SRSF11: variants seen among roughly 807,000 people sequenced by gnomAD.
SRSF11 encodes the protein serine and arginine rich splicing factor 11.
In SRSF11, 9 loss-of-function variants were observed where a neutral mutation model predicts 56.0. That is an observed-to-expected ratio of 0.16 (90% CI 0.10 to 0.28). The LOEUF (loss-of-function observed/expected upper bound fraction) is 0.28. SRSF11 is among the 10% of genes least tolerant of loss of function. The probability of loss-of-function intolerance (pLI) is 1.00; values close to 1 mark genes in which losing one functional copy is unlikely to be tolerated. For missense variants in SRSF11, 421 were observed against 600.7 expected (o/e 0.70, Z 3.13); for synonymous variants, 222 against 215.3 (o/e 1.03, Z -0.27).
At chr1:70,222,067 A>AT (rs565769512) in intron 1 of SRSF11, among the ~76,000 whole-genome samples, 20 of 150,446 alleles carry the variant, frequency 1.3e-4, no homozygotes, top group Non-Finnish European at 2.5e-4. Flanking sequence ...TTCTCGGGAA[A>AT]TTTTTTTTTT....
At chr1:70,230,967 A>T in intron 2 of SRSF11, 1 of 1,225,142 alleles carries the variant, frequency 8.2e-7, no homozygotes, top group South Asian at 1.5e-5. Context: ...GACAGCTCTG[A>T]CACAAGCAAG....
chr1:70,217,454 G>C (rs917458970), upstream of SRSF11, among the ~76,000 whole-genome samples: 2 of 152,122 alleles, frequency 1.3e-5, no homozygotes, highest in African/African-American at 4.8e-5. Context: ...ACCGCGCCTG[G>C]CTGTGTTGTT....
At chr1:70,235,373 C>T (rs1485396272) in intron 4 of SRSF11, 128 bp from the exon 5 acceptor site, 3 of 718,966 alleles carry the variant, frequency 4.2e-6, no homozygotes, top group Non-Finnish European at 6.8e-6. Context: ...TTTAATGTGG[C>T]TACTAAAAAA....
intron 7 of SRSF11, among the ~76,000 whole-genome samples, chr1:70,243,626 C>A (rs1571904386): frequency 6.6e-6 from 1 of 152,054 alleles, no homozygotes; most frequent in African/African-American, 2.4e-5. Flanking sequence ...CTTTCTTGTA[C>A]CTTGAAAAGA....
chr1:70,240,768 G>C, intron 7 of SRSF11, among the ~76,000 whole-genome samples: 1 of 143,710 alleles, frequency 7.0e-6, no homozygotes, highest in South Asian at 2.2e-4. Flanking sequence ...TCCATCACTG[G>C]ACTTTTTTTT....
intron 7 of SRSF11, among the ~76,000 whole-genome samples, chr1:70,244,140 A>G (rs1676189703): frequency 6.6e-6 from 1 of 152,230 alleles, no homozygotes; most frequent in South Asian, 2.1e-4. Flanking sequence ...TTTGTTTCAG[A>G]GAAAAATTCG....
chr1:70,209,374 GA>G (rs1484205231), intron 1 of SRSF11, among the ~76,000 whole-genome samples: 1 of 152,170 alleles, frequency 6.6e-6, no homozygotes, highest in African/African-American at 2.4e-5. Context: ...GACATTCTAG[GA>G]AGTTTCTTTT....
rs115541566 is a variant in SRSF11, at chr1:70,222,878, C to G, written c.203+1039C>G. 680 of 152,254 alleles carry G rather than the reference C, an allele frequency of 4.5e-3. 6 individuals carry two copies. The highest frequency in any genetic ancestry group is 0.016 in the African/African-American group (666 of 41,564). 9.4% of individuals were successfully genotyped at this position (152,254 alleles called of 1,614,324 possible). A position where few individuals can be genotyped will look rare whatever the true frequency, so the allele number is the denominator to read the frequency against. Reference sequence around the variant, plus strand: ...TAATGAGATATTTGTTAAGTATTAGCATATTTCATCACTTTCCACTTAAAA... The same window carrying G: ...TAATGAGATATTTGTTAAGTATTAGGATATTTCATCACTTTCCACTTAAAA... On this transcript the variant is annotated intron_variant, in intron 1 of 11. Coordinates refer to ENST00000370949, the MANE Select transcript of SRSF11 (RefSeq NM_001350605.2).
intron 6 of SRSF11, among the ~76,000 whole-genome samples, chr1:70,238,917 C>T (rs1485655018): frequency 6.6e-6 from 1 of 152,142 alleles, no homozygotes; most frequent in Admixed American, 6.5e-5. Context: ...TAATTTGGAT[C>T]TACCAAAAGC....
chr1:70,235,554 A>G lies in SRSF11; in HGVS notation c.590+4A>G. 6.2e-7 allele frequency: 1 copy of G among 1,609,722 alleles called. No homozygotes were observed. Among genetic ancestry groups the G allele is most frequent in the Non-Finnish European group, 8.5e-7 (1 of 1,178,958 alleles). Reference sequence around the variant, plus strand: ...TTATGAGTACTGTTGATCCCAAGTAAGCGTTTTTTCTTTGTTTTCATTGGT... The same window carrying G: ...TTATGAGTACTGTTGATCCCAAGTAGGCGTTTTTTCTTTGTTTTCATTGGT... On this transcript the variant is annotated splice_donor_region_variant and intron_variant, in intron 5 of 11. Coordinates refer to ENST00000370949, the MANE Select transcript of SRSF11 (RefSeq NM_001350605.2).
intron 1 of SRSF11, among the ~76,000 whole-genome samples, chr1:70,209,495 G>A (rs532164334): frequency 2.0e-5 from 3 of 152,238 alleles, no homozygotes; most frequent in Admixed American, 1.3e-4. Flanking sequence ...TTTATTGAGA[G>A]AACATTTTAG....
At chr1:70,234,615 C>A in intron 3 of SRSF11, 81 bp from the exon 4 acceptor site, 1 of 1,127,500 alleles carries the variant, frequency 8.9e-7, no homozygotes, top group Non-Finnish European at 1.3e-6. Flanking sequence ...GTTATCTGAC[C>A]CTTTACATTA....
chr1:70,225,403 G>A (rs1328565206), intron 1 of SRSF11, among the ~76,000 whole-genome samples: 1 of 152,174 alleles, frequency 6.6e-6, no homozygotes, highest in African/African-American at 2.4e-5. Flanking sequence ...GGCACATGAG[G>A]TCAGCAGTCA....
rs1044907053 is a variant in SRSF11, at chr1:70,244,316, TAAG to T, written c.801-365_801-363del. On this transcript the variant is annotated intron_variant, in intron 7 of 11. Coordinates refer to ENST00000370949, the MANE Select transcript of SRSF11 (RefSeq NM_001350605.2). ...TAAGCTGCACTAATGAGGAATCAAA[TAAG>T]AAATACATGCTAAAATGCTATATAA... Among the ~76,000 whole-genome samples, 11 of 152,310 alleles carry T rather than the reference TAAG, an allele frequency of 7.2e-5. No individual in the cohort carries two copies. In the East Asian group the frequency reaches 7.7e-4, roughly 11 times the overall value.
At chr1:70,229,849 A>T in intron 2 of SRSF11, 2 of 983,910 alleles carry the variant, frequency 2.0e-6, no homozygotes, top group Non-Finnish European at 2.4e-6. Context: ...CTCTGTCTCC[A>T]TGATATTAAA....
intron 5 of SRSF11, 122 bp downstream of exon 5, chr1:70,235,672 ATTG>A (rs1673820501): frequency 1.1e-6 from 1 of 889,194 alleles, no homozygotes; most frequent in South Asian, 1.8e-5. Context: ...AGCAATATGT[ATTG>A]TTACCTAGAA....
Position 70,250,682 on chromosome 1 carries a change from A to C in SRSF11, c.1332A>C (p.Pro444=). ...AAGAGAAAAAAGAAGAGAAGAAACC[A>C]ATAGAAACAGGTTCCCCTAAAACAA... ...SEKEKKEEKK[P]IETGSPKTKE... Residue 444 remains proline, a synonymous_variant, in exon 12 of 12, where the codon CCA becomes CCC. Coordinates refer to ENST00000370949, the MANE Select transcript of SRSF11 (RefSeq NM_001350605.2). 1 of 1,614,028 alleles carries C rather than the reference A, an allele frequency of 6.2e-7. No individual in the cohort carries two copies. Among genetic ancestry groups the C allele is most frequent in the Non-Finnish European group, 8.5e-7 (1 of 1,179,980 alleles).
Position 70,212,813 on chromosome 1 carries a change from TA to T in SRSF11, c.-26+7035del, listed in dbSNP as rs1307262101. Reference sequence around the variant, plus strand: ...AGCCAAGTGTCGTGGCTGATGCCTGTAATCCCAGCACTTTGGGATGCCCTGG... The same window carrying T: ...AGCCAAGTGTCGTGGCTGATGCCTGTATCCCAGCACTTTGGGATGCCCTGG... On this transcript the variant is annotated intron_variant, in intron 1 of 12. Coordinates refer to the SRSF11 transcript ENST00000370950. Among the ~76,000 whole-genome samples, 5 of 152,176 alleles carry T rather than the reference TA, an allele frequency of 3.3e-5. No individual in the cohort carries two copies. In the East Asian group the frequency reaches 9.6e-4, roughly 29 times the overall value.
At chr1:70,241,129 T>G (rs1387024261) in intron 7 of SRSF11, among the ~76,000 whole-genome samples, 1 of 152,208 alleles carries the variant, frequency 6.6e-6, no homozygotes, top group Non-Finnish European at 1.5e-5. Flanking sequence ...GGAACCTAGT[T>G]CTGTCAGTTG....
Sources: allele counts gnomAD v4.1 joint callset (sites outside exome capture counted in the v4.1 genomes callset), GRCh38; gene constraint gnomAD v4.1.1; transcripts MANE v1.5; gene names NCBI Gene and HGNC (gene_info 2026-07-23, HGNC 2026-07-21).